PIR: variants seen among roughly 807,000 people sequenced by gnomAD.
The protein encoded by PIR is pirin (iron-binding nuclear protein).
PIR carries 22 observed loss-of-function variants against 24.2 expected under a neutral mutation model. The observed-to-expected ratio is 0.91, with a 90% CI of 0.65 to 1.30. PIR has a LOEUF of 1.30. Among genes scored for constraint, PIR ranks in the 50% most tolerant of loss-of-function variants. The pLI is 0.00. For synonymous variants in PIR, 80 were observed against 79.6 expected, an observed-to-expected ratio of 1.00 and a Z score of -0.03; for missense variants, 220 against 220.3, an observed-to-expected ratio of 1.00 and a Z score of 0.01.
At chrX:15,395,124 A>G (rs1024940756) in intron 8 of PIR, among the ~76,000 whole-genome samples, 3 of 111,954 alleles carry the variant, frequency 2.7e-5, no homozygotes, top group African/African-American at 9.7e-5. Flanking sequence ...TCCTCAGGCT[A>G]ATGCTAGGTT....
At chrX:15,433,707 AAAG>A (rs1925611362) in intron 5 of PIR, among the ~76,000 whole-genome samples, 1 of 45,828 alleles carries the variant, frequency 2.2e-5, no homozygotes, top group Admixed American at 2.5e-4. Context: ...GAGGAAGGAG[AAAG>A]AAGGAGGAGG....
At chrX:15,446,191 G>C (rs781753429) in intron 5 of PIR, among the ~76,000 whole-genome samples, 15 of 112,062 alleles carry the variant, frequency 1.3e-4, no homozygotes, top group Admixed American at 1.1e-3. Flanking sequence ...AACTAAGAGA[G>C]AGAAACACAC....
At position 15,385,133 on chromosome X, in the gene PIR, C is replaced by T. The variant is rs369099858; in HGVS notation, c.761-17G>A. On this transcript the variant is annotated splice_polypyrimidine_tract_variant and intron_variant, in intron 9 of 9. Transcript: ENST00000380420. ...CAAATGGACCTAGGGCAGAAAGAGA[C>T]ATTCAGAAAGTTCTGGGTGGCAATA... The T allele has an allele frequency of 3.8e-5, 35 of 925,852 alleles. No individual in the cohort carries two copies. The highest frequency in any genetic ancestry group is 9.8e-5 in the African/African-American group (5 of 51,255). The allele number at this position is 925,852 out of a possible 1,213,427, so 76.3% of individuals were successfully genotyped here.
intron 2 of PIR, among the ~76,000 whole-genome samples, chrX:15,487,738 C>T (rs954461495): frequency 1.6e-4 from 18 of 112,070 alleles, no homozygotes; most frequent in Non-Finnish European, 2.8e-4. Context: ...GCTAGGCTGG[C>T]CCATGTATAA....
intron 5 of PIR, among the ~76,000 whole-genome samples, chrX:15,442,321 A>C (rs756231027): frequency 9.7e-4 from 108 of 111,393 alleles, no homozygotes; most frequent in African/African-American, 3.3e-3. Context: ...TTAACTGATA[A>C]ATGTGTGTTC....
intron 5 of PIR, among the ~76,000 whole-genome samples, chrX:15,430,680 T>C (rs1336443336): frequency 8.9e-6 from 1 of 111,937 alleles, no homozygotes; most frequent in Non-Finnish European, 1.9e-5. Context: ...ACTTCCCATT[T>C]ACCCTGGCTT....
intron 5 of PIR, chrX:15,429,525 A>G (rs927458102): frequency 2.7e-5 from 3 of 111,788 alleles, no homozygotes; most frequent in African/African-American, 9.8e-5. Context: ...ACTACCCCAA[A>G]GCCTTCAAAA....
At chrX:15,448,203 G>A (rs1490796543) in intron 5 of PIR, among the ~76,000 whole-genome samples, 1 of 112,489 alleles carries the variant, frequency 8.9e-6, no homozygotes, top group Non-Finnish European at 1.9e-5. Context: ...CCTGACCACT[G>A]TTTATTTGCA....
chrX:15,417,071 C>A (rs1924945279), intron 6 of PIR, among the ~76,000 whole-genome samples: 1 of 111,110 alleles, frequency 9.0e-6, no homozygotes, highest in African/African-American at 3.3e-5. Context: ...CCCCCCTCCA[C>A]CCCCAGTAGC....
chrX:15,420,852 C>T (rs1296871464), intron 6 of PIR, among the ~76,000 whole-genome samples: 3 of 110,970 alleles, frequency 2.7e-5, no homozygotes, highest in Non-Finnish European at 5.7e-5. Flanking sequence ...CAAAACAAAA[C>T]AAAAGGAGCT....
chrX:15,433,615 A>G (rs1925602337), intron 5 of PIR, among the ~76,000 whole-genome samples: 1 of 102,226 alleles, frequency 9.8e-6, no homozygotes, highest in Admixed American at 1.1e-4. Flanking sequence ...GAGGAAGGAG[A>G]AAGAAGGAGG....
chrX:15,424,960 C>T (rs1209187366), intron 6 of PIR, among the ~76,000 whole-genome samples: 1 of 109,893 alleles, frequency 9.1e-6, no homozygotes, highest in Non-Finnish European at 1.9e-5. Flanking sequence ...GATCATGCCA[C>T]TGCACTTTAG....
chrX:15,392,060 A>T (rs140609642), intron 8 of PIR, among the ~76,000 whole-genome samples: 1,564 of 111,053 alleles, frequency 0.014, 24 homozygotes, highest in African/African-American at 0.05. Flanking sequence ...AAACTAGCCA[A>T]ATGGAGGGGC....
At chrX:15,476,689 T>C (rs918058231) in intron 3 of PIR, among the ~76,000 whole-genome samples, 3 of 110,381 alleles carry the variant, frequency 2.7e-5, no homozygotes, top group South Asian at 7.4e-4. Flanking sequence ...ATATTAAATA[T>C]GTATGGTGAA....
intron 5 of PIR, among the ~76,000 whole-genome samples, chrX:15,443,093 G>A (rs1218905380): frequency 2.7e-5 from 3 of 111,860 alleles, no homozygotes; most frequent in East Asian, 2.8e-4. Flanking sequence ...ACTCTCTCTC[G>A]TTAGGGGTTA....
intron 8 of PIR, 83 bp downstream of exon 8, chrX:15,397,366 A>G (rs1569193213): frequency 1.6e-6 from 1 of 638,458 alleles, no homozygotes; most frequent in Non-Finnish European, 2.7e-6. Flanking sequence ...AAAAACTTTC[A>G]GTTATCCACA....
At chrX:15,433,854 G>A (rs1311031081) in intron 5 of PIR, among the ~76,000 whole-genome samples, 1 of 51,584 alleles carries the variant, frequency 1.9e-5, no homozygotes, top group Non-Finnish European at 3.6e-5. Flanking sequence ...GAAAGAAGGA[G>A]GAGGAGGAAG....
chrX:15,466,006 G>GTT (rs200803758), intron 3 of PIR, among the ~76,000 whole-genome samples: 15,733 of 62,638 alleles, frequency 0.25, 2,520 homozygotes, highest in African/African-American at 0.36. Context: ...AATGGTGGCT[G>GTT]TTTTTTTTTT....
chrX:15,483,356 C>CA (rs1319735777), intron 2 of PIR, among the ~76,000 whole-genome samples: 1 of 110,433 alleles, frequency 9.1e-6, no homozygotes, highest in African/African-American at 3.3e-5. Flanking sequence ...TGAATCCTCT[C>CA]AAAAACACCA....
Sources: gnomAD v4.1 joint callset for allele counts (sites outside exome capture counted in the v4.1 genomes callset) on GRCh38, gnomAD v4.1.1 for gene constraint, MANE v1.5 for transcripts, NCBI Gene and HGNC (gene_info 2026-07-23, HGNC 2026-07-21) for gene names.